The following PPARGC1A variants were observed in gnomAD, a reference collection of about 807,000 sequenced individuals.
PPARGC1A encodes the protein PPARG coactivator 1 alpha.
A neutral mutation model predicts 88.7 loss-of-function variants in PPARGC1A; 25 were observed. The ratio of observed to expected loss-of-function variants is 0.28; its 90% CI spans 0.21 to 0.39. PPARGC1A has a LOEUF of 0.39. Among genes scored for constraint, PPARGC1A ranks in the 10% least tolerant of loss-of-function variants. PPARGC1A has a pLI of 1.00. For missense variants in PPARGC1A, 880 were observed against 968.7 expected (o/e 0.91, Z 1.22); for synonymous variants, 363 against 355.6 (o/e 1.02, Z -0.24).
the PPARGC1A span, among the ~76,000 whole-genome samples, chr4:24,358,681 C>G: frequency 9.2e-5 from 14 of 152,360 alleles, no homozygotes; most frequent in African/African-American, 2.9e-4. Context: ...CCCTTGACAT[C>G]TAAATCCTTT....
the PPARGC1A span, among the ~76,000 whole-genome samples, chr4:23,999,918 G>A: frequency 6.6e-6 from 1 of 152,084 alleles, no homozygotes. Flanking sequence ...ATTCAGAGGA[G>A]TGGAATCTAT....
At chr4:24,247,631 C>G in the PPARGC1A span, among the ~76,000 whole-genome samples, 1 of 152,246 alleles carries the variant, frequency 6.6e-6, no homozygotes, top group Middle Eastern at 3.4e-3. Context: ...TTGCCAATTC[C>G]AAAGACTTTT....
At chr4:23,912,942 C>A in the PPARGC1A span, among the ~76,000 whole-genome samples, 3 of 151,112 alleles carry the variant, frequency 2.0e-5, no homozygotes, top group Non-Finnish European at 4.4e-5. Flanking sequence ...GCGCCCACCA[C>A]CACGCCCGGC....
At chr4:24,449,799 G>A in the PPARGC1A span, among the ~76,000 whole-genome samples, 64 of 152,130 alleles carry the variant, frequency 4.2e-4, no homozygotes, top group Admixed American at 2.0e-3. Context: ...TCTATTATAG[G>A]TCAACAAAAA....
the PPARGC1A span, among the ~76,000 whole-genome samples, chr4:24,170,689 A>C: frequency 6.6e-6 from 1 of 152,128 alleles, no homozygotes; most frequent in Non-Finnish European, 1.5e-5. Context: ...GGTACGGAAC[A>C]ACCATGTTCT....
the PPARGC1A span, among the ~76,000 whole-genome samples, chr4:24,185,503 T>C: frequency 4.6e-5 from 7 of 152,114 alleles, no homozygotes; most frequent in African/African-American, 1.4e-4. Flanking sequence ...GTAGCCACGG[T>C]TCCTTCTCAA....
At chr4:24,378,899 A>G in the PPARGC1A span, among the ~76,000 whole-genome samples, 1 of 152,320 alleles carries the variant, frequency 6.6e-6, no homozygotes, top group East Asian at 1.9e-4. Flanking sequence ...TTAATTATCA[A>G]TACTGCTTTT....
chr4:24,092,286 C>T, the PPARGC1A span, among the ~76,000 whole-genome samples: 2 of 152,084 alleles, frequency 1.3e-5, no homozygotes, highest in Non-Finnish European at 2.9e-5. Flanking sequence ...TCAGAGGCTT[C>T]GGTTTGAATG....
the PPARGC1A span, among the ~76,000 whole-genome samples, chr4:24,110,866 G>T: frequency 1.3e-5 from 2 of 152,238 alleles, no homozygotes; most frequent in East Asian, 3.9e-4. Context: ...ATACTACCTT[G>T]CTTAAGGTCC....
chr4:24,040,208 T>C, the PPARGC1A span, among the ~76,000 whole-genome samples: 1 of 152,220 alleles, frequency 6.6e-6, no homozygotes, highest in Admixed American at 6.5e-5. Flanking sequence ...AGTTTTCCTA[T>C]GCTACCTGTT....
chr4:24,215,841 C>T, the PPARGC1A span, among the ~76,000 whole-genome samples: 33 of 152,244 alleles, frequency 2.2e-4, no homozygotes, highest in African/African-American at 7.0e-4. Flanking sequence ...CCTTGGGATA[C>T]GGCTGTGAGA....
chr4:24,417,460 G>A, the PPARGC1A span, among the ~76,000 whole-genome samples: 1 of 152,166 alleles, frequency 6.6e-6, no homozygotes, highest in Admixed American at 6.5e-5. Flanking sequence ...CCTGAAATCT[G>A]GTCCAAGTTC....
At chr4:24,190,193 C>T in the PPARGC1A span, among the ~76,000 whole-genome samples, 1 of 152,034 alleles carries the variant, frequency 6.6e-6, no homozygotes, top group Non-Finnish European at 1.5e-5. Flanking sequence ...CCCATGGATA[C>T]AACAGGCCTG....
chr4:23,841,061 A>G (rs1726972052), intron 2 of PPARGC1A, among the ~76,000 whole-genome samples: 1 of 152,184 alleles, frequency 6.6e-6, no homozygotes, highest in Non-Finnish European at 1.5e-5. Flanking sequence ...CTTTTGTAAA[A>G]GAGGAAGTTT....
In PPARGC1A at chr4:23,829,477, G is replaced by C; in HGVS notation, c.538C>G (p.Pro180Ala). The C allele has an allele frequency of 5.0e-6, 8 of 1,613,352 alleles. No individual in the cohort carries two copies. The highest frequency in any genetic ancestry group is 6.8e-6 in the Non-Finnish European group (8 of 1,179,470). ...TACATTTGTACCTTAACAATTGCAG[G>C]GTTTGTTCTGATCCTGTGATTGTGA... ...ANHNHRIRTN[P>A]AIVKTENSWS... The change falls in exon 4 of 13, where the codon CCT becomes GCT. Residue 180 changes from proline to alanine, a missense_variant. Pro to Ala is a conservative substitution (Grantham distance 27). Coordinates refer to ENST00000264867, the MANE Select transcript of PPARGC1A (RefSeq NM_013261.5).
At chr4:24,357,946 C>T in the PPARGC1A span, among the ~76,000 whole-genome samples, 3 of 152,154 alleles carry the variant, frequency 2.0e-5, no homozygotes, top group Non-Finnish European at 2.9e-5. Context: ...TTGTCAGCAG[C>T]GTGAAAACAG....
the PPARGC1A span, among the ~76,000 whole-genome samples, chr4:23,995,716 G>A: frequency 5.6e-4 from 85 of 151,988 alleles, no homozygotes; most frequent in African/African-American, 1.8e-3. Flanking sequence ...GGAAGTCTTC[G>A]ATGACCTCCC....
At chr4:24,270,279 A>G in the PPARGC1A span, among the ~76,000 whole-genome samples, 4 of 151,746 alleles carry the variant, frequency 2.6e-5, no homozygotes, top group Non-Finnish European at 4.4e-5. Flanking sequence ...TGACAATCAC[A>G]TAAGTCAATC....
the PPARGC1A span, among the ~76,000 whole-genome samples, chr4:24,373,591 T>G: frequency 6.6e-6 from 1 of 152,078 alleles, no homozygotes; most frequent in Admixed American, 6.5e-5. Context: ...GAAAACAAAT[T>G]GAAAGGAAGA....
Sources: allele counts gnomAD v4.1 joint callset (sites outside exome capture counted in the v4.1 genomes callset), GRCh38; gene constraint gnomAD v4.1.1; transcripts MANE v1.5; gene names NCBI Gene and HGNC (gene_info 2026-07-23, HGNC 2026-07-21).